Variants in SPTBN1 observed in about 807,000 individuals in gnomAD.
The protein encoded by SPTBN1 is spectrin beta chain, non-erythrocytic 1.
In SPTBN1, 32 loss-of-function variants were observed where a neutral mutation model predicts 266.4. The observed-to-expected ratio is 0.12, with a 90% CI of 0.09 to 0.16. The LOEUF (loss-of-function observed/expected upper bound fraction) is 0.16, where lower values mean the gene tolerates loss of function less well. SPTBN1 is among the 10% of genes least tolerant of loss of function. The probability of loss-of-function intolerance (pLI) is 1.00; values close to 1 mark genes in which losing one functional copy is unlikely to be tolerated. For missense variants in SPTBN1, 2,296 were observed against 3,067.1 expected (o/e 0.75, Z 5.94); for synonymous variants, 1,336 against 1,162.2 (o/e 1.15, Z -3.04).
chr2:54,506,221 G>A (rs1669548179), intron 1 of SPTBN1, among the ~76,000 whole-genome samples: 1 of 152,160 alleles, frequency 6.6e-6, no homozygotes. Flanking sequence ...TTGGCCCTGG[G>A]ACCTTCCCCG....
chr2:54,487,833 T>TCTTTTTTTTTTATTTTTTTA (rs370930344), intron 1 of SPTBN1, among the ~76,000 whole-genome samples: 1 of 17,330 alleles, frequency 5.8e-5, no homozygotes, highest in African/African-American at 3.3e-4. Context: ...CTCCTGTGTC[T>TCTTTTTTTTTTATTTTTTTA]TTTTTTTTTT....
chr2:54,653,564 G>T lies in SPTBN1; in HGVS notation c.5578-45G>T. 1 of 1,596,558 alleles carries T rather than the reference G, an allele frequency of 6.3e-7. No homozygotes were observed. On this transcript the variant is annotated intron_variant, in intron 26 of 35. Coordinates refer to ENST00000356805, the MANE Select transcript of SPTBN1 (RefSeq NM_003128.3). This position sits in a 1 kb window ranked among gnomAD's most constrained non-coding sequence, Gnocchi z 5.1. ...ATAGGGCTTGGGGTGATGGTGGGAA[G>T]GCCGCCATGGGCTGACCTGGCTCAT...
chr2:54,571,701 TGTTTGC>T (rs368927970), intron 2 of SPTBN1, among the ~76,000 whole-genome samples: 18,718 of 152,132 alleles, frequency 0.12, 1,384 homozygotes, highest in Non-Finnish European at 0.18. Flanking sequence ...TGTGTTAGTG[TGTTTGC>T]GTGTATCTCT....
intron 2 of SPTBN1, among the ~76,000 whole-genome samples, chr2:54,573,480 T>C (rs1288481214): frequency 6.6e-6 from 1 of 152,206 alleles, no homozygotes; most frequent in Admixed American, 6.5e-5. Flanking sequence ...ACTCACCTCC[T>C]GCTGTGTGGC....
chr2:54,665,030 A>G (rs1681281586), intron 33 of SPTBN1, among the ~76,000 whole-genome samples: 1 of 152,218 alleles, frequency 6.6e-6, no homozygotes, highest in African/African-American at 2.4e-5. Context: ...GTAAAAAGCC[A>G]TTAACCATTT....
At chr2:54,634,192 C>G (rs1475439931) in intron 17 of SPTBN1, among the ~76,000 whole-genome samples, 1 of 152,188 alleles carries the variant, frequency 6.6e-6, no homozygotes, top group African/African-American at 2.4e-5. Context: ...TGTGTGCATT[C>G]AGGCAGGCAT....
intron 3 of SPTBN1, 147 bp from the exon 4 acceptor site, chr2:54,612,014 T>C (rs191784819): frequency 8.2e-5 from 60 of 728,850 alleles, no homozygotes; most frequent in Middle Eastern, 5.4e-4. Context: ...ATACCGTCCT[T>C]GGACTTAATG....
At chr2:54,506,870 G>T (rs1669589909) in intron 1 of SPTBN1, among the ~76,000 whole-genome samples, 1 of 144,170 alleles carries the variant, frequency 6.9e-6, no homozygotes. Context: ...AGAAAGTAAA[G>T]TTTAGGTTGA....
In SPTBN1 at chr2:54,502,609, T is replaced by C. The variant is rs149394824; in HGVS notation, c.-47-23763T>C. On this transcript the variant is annotated intron_variant, in intron 1 of 35. Coordinates refer to ENST00000356805, the MANE Select transcript of SPTBN1 (RefSeq NM_003128.3). Reference sequence around the variant, plus strand: ...GTTCTTGTACATCAGGAAAGGTTAATGGACTTCCCTTGAAGTCAGACAGAG... The same window carrying C: ...GTTCTTGTACATCAGGAAAGGTTAACGGACTTCCCTTGAAGTCAGACAGAG... Among the ~76,000 whole-genome samples, 543 of 152,352 alleles carry C rather than the reference T, an allele frequency of 3.6e-3. 1 individual carries two copies. Among genetic ancestry groups the C allele is most frequent in the Middle Eastern group, 6.8e-3 (2 of 294 alleles).
chr2:54,496,656 A>C (rs958006531), intron 1 of SPTBN1, among the ~76,000 whole-genome samples: 1 of 152,248 alleles, frequency 6.6e-6, no homozygotes, highest in Non-Finnish European at 1.5e-5. Context: ...TGATCAACTT[A>C]TATGAAAACA....
rs771866202 is a variant in SPTBN1 at position 54,649,783 on chromosome 2, C to G, written c.5371C>G (p.Leu1791Val). ...DGLNEAWADL[L>V]ELIDTRTQIL... The stretch of plus-strand genomic sequence containing the variant: ...CCTCAATGAAGCCTGGGCCGACCTC[C>G]TGGAGCTCATTGACACAAGAACACA... The change falls in exon 26 of 36, where the codon CTG (leucine) becomes GTG (valine). Residue 1791 changes from leucine to valine, a missense_variant. Leu to Val is a conservative substitution (Grantham distance 32, BLOSUM62 1). Around this residue, in one of 12 missense-constraint regions of SPTBN1, gnomAD observed 644 missense variants for 745.3 expected, o/e 0.86. Transcript: ENST00000356805. The surrounding 1 kb of genome is among the most constrained non-coding windows in gnomAD (Gnocchi z 6.7). 1 of 1,614,210 alleles carries G rather than the reference C, an allele frequency of 6.2e-7. No individual in the cohort carries two copies. Among genetic ancestry groups the G allele is most frequent in the Admixed American group, 1.7e-5 (1 of 60,028 alleles).
At chr2:54,634,728 C>T (rs959871671) in intron 17 of SPTBN1, among the ~76,000 whole-genome samples, 1 of 152,160 alleles carries the variant, frequency 6.6e-6, no homozygotes, top group Non-Finnish European at 1.5e-5. Flanking sequence ...TGTGGTGAAG[C>T]GATTCTCCTA....
intron 2 of SPTBN1, among the ~76,000 whole-genome samples, chr2:54,590,087 A>G (rs892098147): frequency 3.3e-5 from 5 of 152,240 alleles, no homozygotes; most frequent in African/African-American, 9.7e-5. Context: ...TTTACCGTAC[A>G]GGTATGTGGT....
At chr2:54,479,227 A>C (rs553477960) in intron 1 of SPTBN1, among the ~76,000 whole-genome samples, 1 of 152,344 alleles carries the variant, frequency 6.6e-6, no homozygotes, top group African/African-American at 2.4e-5. Context: ...GCAATGATTT[A>C]AAGGCAAATA....
intron 1 of SPTBN1, among the ~76,000 whole-genome samples, chr2:54,519,297 T>C (rs762440262): frequency 1.3e-5 from 2 of 152,128 alleles, no homozygotes; most frequent in Non-Finnish European, 2.9e-5. Flanking sequence ...GGCTTATTGA[T>C]GGTAAGTAAA....
intron 2 of SPTBN1, among the ~76,000 whole-genome samples, chr2:54,541,384 TA>T (rs1181112605): frequency 6.6e-6 from 1 of 152,222 alleles, no homozygotes; most frequent in Non-Finnish European, 1.5e-5. Flanking sequence ...GTAAATAATG[TA>T]GAGGCATTCA....
intron 2 of SPTBN1, among the ~76,000 whole-genome samples, chr2:54,546,867 G>A (rs1335786730): frequency 6.6e-6 from 1 of 151,038 alleles, no homozygotes; most frequent in African/African-American, 2.4e-5. Context: ...GGGAACATGT[G>A]GCTTTATAGA....
At chr2:54,498,881 G>T (rs2104094382) in intron 1 of SPTBN1, among the ~76,000 whole-genome samples, 1 of 152,316 alleles carries the variant, frequency 6.6e-6, no homozygotes, top group South Asian at 2.1e-4. Flanking sequence ...AAGGGTAACG[G>T]TCCCGCAGTG....
intron 18 of SPTBN1, among the ~76,000 whole-genome samples, chr2:54,639,061 T>C (rs564804081): frequency 6.6e-6 from 1 of 152,316 alleles, no homozygotes; most frequent in East Asian, 1.9e-4. Flanking sequence ...TGAATCTAGG[T>C]CTCTGGGGGA....
Sources: gnomAD v4.1 joint callset for allele counts (sites outside exome capture counted in the v4.1 genomes callset) on GRCh38, gnomAD v4.1.1 for gene constraint, gnomAD v4.1.1 regional missense constraint, Gnocchi (gnomAD v3.1) non-coding constraint, MANE v1.5 for transcripts, NCBI Gene and HGNC (gene_info 2026-07-23, HGNC 2026-07-21) for gene names.